The following FOXJ3 variants were observed in gnomAD, a reference collection of about 807,000 sequenced individuals.
FOXJ3 encodes forkhead box protein J3.
A neutral mutation model predicts 76.1 loss-of-function variants in FOXJ3; 22 were observed. That is an observed-to-expected ratio of 0.29 (90% CI 0.21 to 0.41). The LOEUF is 0.41. FOXJ3 is among the 10% of genes least tolerant of loss of function. The probability of loss-of-function intolerance (pLI) is 1.00; values close to 1 mark genes in which losing one functional copy is unlikely to be tolerated. For synonymous variants in FOXJ3, 269 were observed against 261.2 expected (o/e 1.03, Z -0.29); for missense variants, 613 against 762.1 (o/e 0.80, Z 2.30).
chr1:42,325,706 G>C (rs970421454), intron 1 of FOXJ3, among the ~76,000 whole-genome samples: 4 of 152,198 alleles, frequency 2.6e-5, no homozygotes, highest in Non-Finnish European at 5.9e-5. Flanking sequence ...TTAAATTGGA[G>C]TGCTATTTCT....
intron 2 of FOXJ3, among the ~76,000 whole-genome samples, chr1:42,309,800 C>G (rs1361109214): frequency 6.6e-6 from 1 of 152,164 alleles, no homozygotes; most frequent in Non-Finnish European, 1.5e-5. Flanking sequence ...CTCTGGGAAC[C>G]ACGACAATCC....
intron 2 of FOXJ3, among the ~76,000 whole-genome samples, chr1:42,283,436 G>A (rs772177555): frequency 2.0e-5 from 3 of 152,126 alleles, no homozygotes; most frequent in South Asian, 4.1e-4. Context: ...AGTACACTGC[G>A]TGGCCTACCT....
In FOXJ3 at chr1:42,181,958, T is replaced by G; in HGVS notation, c.1712A>C (p.His571Pro). ...PSVMPPPGYP[H>P]IPQALSTPGT... ...TGGAGTGCTGAGTGCCTGTGGGATA[T>G]GAGGATAACCAGGGGGTGGCATCAC... is the stretch of plus-strand genomic sequence containing the variant. Residue 571 changes from histidine to proline, a missense_variant, in exon 12 of 13, where the codon CAT (histidine) becomes CCT (proline). Transcript: ENST00000361346. 6.2e-7 allele frequency: 1 copy of G among 1,613,638 alleles called. No homozygotes were observed. Among genetic ancestry groups the G allele is most frequent in the Non-Finnish European group, 8.5e-7 (1 of 1,179,710 alleles).
chr1:42,237,425 T>TATATATATATATATATAC (rs1230334965), intron 4 of FOXJ3, among the ~76,000 whole-genome samples: 3 of 137,502 alleles, frequency 2.2e-5, no homozygotes, highest in South Asian at 2.3e-4. Flanking sequence ...TATATATATA[T>TATATATATATATATATAC]ATACATACAT....
intron 4 of FOXJ3, among the ~76,000 whole-genome samples, chr1:42,231,040 C>T (rs1434655481): frequency 2.6e-5 from 4 of 152,012 alleles, no homozygotes; most frequent in Non-Finnish European, 4.4e-5. Context: ...TCTGGCCAGG[C>T]GCCGTGGCTC....
intron 5 of FOXJ3, among the ~76,000 whole-genome samples, chr1:42,213,433 C>T (rs769269001): frequency 5.5e-5 from 8 of 146,044 alleles, no homozygotes; most frequent in Non-Finnish European, 1.0e-4. Context: ...AGTAGCTATT[C>T]ATATATCATA....
At chr1:42,292,375 C>T (rs371550185) in intron 2 of FOXJ3, among the ~76,000 whole-genome samples, 1 of 152,150 alleles carries the variant, frequency 6.6e-6, no homozygotes, top group African/African-American at 2.4e-5. Flanking sequence ...AGTCATTTCA[C>T]CCCCAGGTAT....
intron 4 of FOXJ3, among the ~76,000 whole-genome samples, chr1:42,261,280 G>A (rs1222688429): frequency 2.6e-5 from 4 of 151,780 alleles, no homozygotes; most frequent in Non-Finnish European, 5.9e-5. Flanking sequence ...TTAAAAAATG[G>A]AGATAGACTG....
chr1:42,289,019 A>G (rs1653245785), intron 2 of FOXJ3, among the ~76,000 whole-genome samples: 1 of 152,050 alleles, frequency 6.6e-6, no homozygotes, highest in African/African-American at 2.4e-5. Flanking sequence ...TTATGTGAAT[A>G]TTTTAAATTT....
intron 2 of FOXJ3, among the ~76,000 whole-genome samples, chr1:42,299,453 A>G (rs1653994176): frequency 6.7e-6 from 1 of 149,610 alleles, no homozygotes; most frequent in Non-Finnish European, 1.5e-5. Context: ...CATTTGCATG[A>G]TAAATCTTTT....
intron 11 of FOXJ3, among the ~76,000 whole-genome samples, chr1:42,187,030 T>C (rs996814372): frequency 8.5e-5 from 13 of 152,158 alleles, no homozygotes; most frequent in African/African-American, 2.7e-4. Context: ...GTATTTTTAG[T>C]AGAGACGGGG....
chr1:42,212,326 A>T (rs1048823988), intron 5 of FOXJ3, among the ~76,000 whole-genome samples: 8 of 152,320 alleles, frequency 5.3e-5, no homozygotes, highest in Non-Finnish European at 1.0e-4. Context: ...GAAAAAATTT[A>T]AAAAAACAAT....
chr1:42,307,378 T>C (rs1189804837), intron 2 of FOXJ3, among the ~76,000 whole-genome samples: 1 of 152,222 alleles, frequency 6.6e-6, no homozygotes, highest in Admixed American at 6.5e-5. Context: ...GGGACTTTCC[T>C]CTAAGTTCCT....
Position 42,179,707 on chromosome 1 carries a change from G to C in FOXJ3, c.*3C>G, listed in dbSNP as rs1381989700. 1 of 1,569,624 alleles carries C rather than the reference G, an allele frequency of 6.4e-7. No individual in the cohort carries two copies. Among genetic ancestry groups the C allele is most frequent in the Admixed American group, 1.7e-5 (1 of 59,960 alleles). On this transcript the variant is annotated 3_prime_UTR_variant, in exon 13 of 13. Transcript: ENST00000361346. ...AGGGTCTGGTGTCTTGCAGAAACAAGCCCTACACAATTGAATCCCAATCAA... is the reference window on the plus strand; with the variant it reads ...AGGGTCTGGTGTCTTGCAGAAACAACCCCTACACAATTGAATCCCAATCAA...
In FOXJ3 at chr1:42,282,068, G is replaced by GA. The variant is rs202102061; in HGVS notation, c.45-3397dup. Among the ~76,000 whole-genome samples, 907 of 118,684 alleles carry GA rather than the reference G, an allele frequency of 7.6e-3. 4 individuals are homozygous for GA. Among genetic ancestry groups the GA allele is most frequent in the African/African-American group, 0.019 (584 of 31,512 alleles). 77.9% of individuals were successfully genotyped at this position (118,684 alleles called of 152,430 possible). On this transcript the variant is annotated intron_variant, in intron 2 of 12. Coordinates refer to ENST00000361346, the MANE Select transcript of FOXJ3 (RefSeq NM_014947.5). ...AGCGAGACTCAGTCTCAAAAAAGGA[G>GA]AAAAAAAAAAAAAAGAAACAAACAA... is the stretch of plus-strand genomic sequence containing the variant.
chr1:42,283,828 C>T (rs762701090), intron 2 of FOXJ3, among the ~76,000 whole-genome samples: 19 of 152,202 alleles, frequency 1.2e-4, no homozygotes, highest in Non-Finnish European at 2.1e-4. Flanking sequence ...GGCAGAGACT[C>T]CTATTGCCAC....
chr1:42,182,111 C>A (rs1646337050), intron 11 of FOXJ3, 87 bp from the exon 12 acceptor site: 3 of 707,698 alleles, frequency 4.2e-6, no homozygotes, highest in East Asian at 5.6e-5. Flanking sequence ...AATTGTTACT[C>A]TGAAAGTAAA....
At chr1:42,180,223 G>A (rs1646291135) in intron 12 of FOXJ3, among the ~76,000 whole-genome samples, 1 of 152,204 alleles carries the variant, frequency 6.6e-6, no homozygotes, top group Non-Finnish European at 1.5e-5. Flanking sequence ...ACAGGATAAT[G>A]ATGGCAGTGC....
intron 4 of FOXJ3, among the ~76,000 whole-genome samples, chr1:42,241,522 C>T (rs1414508495): frequency 2.6e-5 from 4 of 152,204 alleles, no homozygotes; most frequent in African/African-American, 4.8e-5. Flanking sequence ...GGGATTGCCC[C>T]ACCCACCATG....
Sources: gnomAD v4.1 joint callset for allele counts (sites outside exome capture counted in the v4.1 genomes callset) on GRCh38, gnomAD v4.1.1 for gene constraint, MANE v1.5 for transcripts, NCBI Gene and HGNC (gene_info 2026-07-23, HGNC 2026-07-21) for gene names.